The following AADACL3 variants were observed in gnomAD, a reference collection of about 807,000 sequenced individuals.
AADACL3 encodes arylacetamide deacetylase like 3.
Under a neutral mutation model 13.6 loss-of-function variants are expected in AADACL3, and 13 were observed. The observed-to-expected ratio is 0.95, with a 90% CI of 0.62 to 1.52. The LOEUF is 1.52. AADACL3 is among the 40% of genes most tolerant of loss of function. The pLI is 0.00. For synonymous variants in AADACL3, 195 were observed against 197.0 expected (o/e 0.99, Z 0.08); for missense variants, 519 against 499.2 (o/e 1.04, Z -0.38).
Position 12,725,943 on chromosome 1 carries a change from C to T in AADACL3, c.1171C>T (p.Pro391Ser). The T allele has an allele frequency of 6.2e-7, 1 of 1,613,988 alleles. No homozygotes were observed. The highest frequency in any genetic ancestry group is 8.5e-7 in the Non-Finnish European group (1 of 1,179,968). The part of the protein sequence containing the change: ...RTIDMSFLHF[P>S]CSMRILSALV... ...CATTGACATGAGCTTCTTGCACTTT[C>T]CCTGCTCCATGAGAATTCTGAGTGC... The change falls in exon 4 of 4, where the codon CCC (proline) becomes TCC (serine). Residue 391 changes from proline to serine, a missense_variant. Pro to Ser is a moderately conservative substitution (Grantham distance 74). Transcript: ENST00000359318.
At chr1:12,717,257 T>G (rs1421869319) in intron 1 of AADACL3, among the ~76,000 whole-genome samples, 4 of 152,246 alleles carry the variant, frequency 2.6e-5, no homozygotes, top group African/African-American at 9.6e-5. Context: ...TCTAGGCTTC[T>G]GATCTCCAGT....
intron 3 of AADACL3, among the ~76,000 whole-genome samples, chr1:12,724,383 C>A (rs1170757083): frequency 6.6e-6 from 1 of 152,160 alleles, no homozygotes; most frequent in Non-Finnish European, 1.5e-5. Flanking sequence ...GGAGAATGTG[C>A]AAACTCCACA....
chr1:12,720,724 A>G (rs1025070602), intron 2 of AADACL3, among the ~76,000 whole-genome samples, 159 bp from the exon 3 acceptor site: 1 of 152,196 alleles, frequency 6.6e-6, no homozygotes, highest in African/African-American at 2.4e-5. Flanking sequence ...AGGCAGTACC[A>G]CGAAGGAGAA....
rs1648428993 is a variant in AADACL3 at position 12,716,226 on chromosome 1, T to G, written c.50T>G (p.Leu17Arg). Residue 17 changes from leucine to arginine, a missense_variant, in exon 1 of 4, where the codon CTA becomes CGA. Coordinates refer to ENST00000359318, the MANE Select transcript of AADACL3 (RefSeq NM_001103170.3). ...CTCGCAGCAGCCTGCGTGTTCTCAC[T>G]AGGGGTCACTCTGTGGGTCATTTGC... is the stretch of plus-strand genomic sequence containing the variant. ...IFLAAACVFS[L>R]GVTLWVICSH... The G allele has an allele frequency of 1.5e-6, 2 of 1,336,658 alleles. No individual in the cohort carries two copies. Among genetic ancestry groups the G allele is most frequent in the Admixed American group, 3.4e-5 (2 of 59,556 alleles). 82.8% of individuals were successfully genotyped at this position (1,336,658 alleles called of 1,614,324 possible). A position where few individuals can be genotyped will look rare whatever the true frequency, so the allele number is the denominator to read the frequency against.
rs775970102 is a variant in AADACL3, at chr1:12,720,906, C to T, written c.409C>T (p.Arg137Cys). The T allele has an allele frequency of 9.9e-6, 16 of 1,611,732 alleles. No individual in the cohort carries two copies. Among genetic ancestry groups the T allele is most frequent in the Admixed American group, 6.7e-5 (4 of 59,894 alleles). ...AGAAACCCACCATGGCATATGCTCTCGTTTGTGCAAGGAGAGTGACTCCGT... is the reference window on the plus strand; with the variant it reads ...AGAAACCCACCATGGCATATGCTCTTGTTTGTGCAAGGAGAGTGACTCCGT... The part of the protein sequence containing the change: ...SLKTHHGICS[R>C]LCKESDSVVL... Residue 137 changes from arginine to cysteine, a missense_variant, in exon 3 of 4, where the codon CGT becomes TGT. Coordinates refer to ENST00000359318, the MANE Select transcript of AADACL3 (RefSeq NM_001103170.3).
Position 12,716,254 on chromosome 1 carries a change from C to T in AADACL3, c.78C>T (p.Ser26=). The change falls in exon 1 of 4, where the codon AGC becomes AGT. Residue 26 remains serine (S), a synonymous_variant. Coordinates refer to ENST00000359318, the MANE Select transcript of AADACL3 (RefSeq NM_001103170.3). ...GGGTCACTCTGTGGGTCATTTGCAG[C>T]CATTTTTTCACTGTGCACATCCCTG... is the stretch of plus-strand genomic sequence containing the variant. ...SLGVTLWVIC[S]HFFTVHIPAA... 1 of 1,562,302 alleles carries T rather than the reference C, an allele frequency of 6.4e-7. No individual in the cohort carries two copies. Among genetic ancestry groups the T allele is most frequent in the Non-Finnish European group, 8.8e-7 (1 of 1,133,012 alleles).
intron 1 of AADACL3, among the ~76,000 whole-genome samples, chr1:12,718,929 C>T (rs1648499907): frequency 6.6e-6 from 1 of 152,184 alleles, no homozygotes; most frequent in African/African-American, 2.4e-5. Flanking sequence ...TCTAACTTTT[C>T]CCTCATTTTC....
Position 12,725,278 on chromosome 1 carries a change from C to T in AADACL3, c.506C>T (p.Ala169Val). 2 of 1,613,648 alleles carry T rather than the reference C, an allele frequency of 1.2e-6. No homozygotes were observed. Among genetic ancestry groups the T allele is most frequent in the Non-Finnish European group, 1.7e-6 (2 of 1,179,844 alleles). Residue 169 changes from alanine to valine, a missense_variant, in exon 4 of 4, where the codon GCC becomes GTC. Coordinates refer to ENST00000359318, the MANE Select transcript of AADACL3 (RefSeq NM_001103170.3). ...GTGCCAGTAAGAGACTGCTTGGTGG[C>T]CACCATCCACTTCCTGAAGTCCCTG... ...FPVPVRDCLVATIHFLKSLDA... is the reference protein window; with the variant it reads ...FPVPVRDCLVVTIHFLKSLDA...
In AADACL3 at chr1:12,720,871, T is replaced by C. The variant is rs916291170; in HGVS notation, c.386-12T>C. 16 of 1,606,192 alleles carry C rather than the reference T, an allele frequency of 1.0e-5. No individual in the cohort carries two copies. Among genetic ancestry groups the C allele is most frequent in the South Asian group, 7.7e-5 (7 of 90,946 alleles). On this transcript the variant is annotated splice_polypyrimidine_tract_variant and intron_variant, in intron 2 of 3. Coordinates refer to ENST00000359318, the MANE Select transcript of AADACL3 (RefSeq NM_001103170.3). ...CCTTCCTAGTGAATCTTAAAAACCATTTATTTTCTAGAAACCCACCATGGC... is the reference window on the plus strand; with the variant it reads ...CCTTCCTAGTGAATCTTAAAAACCACTTATTTTCTAGAAACCCACCATGGC...
chr1:12,720,936 C>G lies in AADACL3; in HGVS notation c.439C>G (p.Leu147Val), dbSNP rs750676977. The G allele has an allele frequency of 6.2e-7, 1 of 1,608,818 alleles. No homozygotes were observed. Among genetic ancestry groups the G allele is most frequent in the Non-Finnish European group, 8.5e-7 (1 of 1,177,752 alleles). Reference sequence around the variant, plus strand: ...GTGCAAGGAGAGTGACTCCGTGGTTCTGGCAGTTGGGTGAGTAAAGGGGAG... The same window carrying G: ...GTGCAAGGAGAGTGACTCCGTGGTTGTGGCAGTTGGGTGAGTAAAGGGGAG... ...RLCKESDSVV[L>V]AVGYRKLPKH... Residue 147 changes from leucine to valine, a missense_variant, in exon 3 of 4, where the codon CTG (leucine) becomes GTG (valine). By Grantham distance (32) the Leu-to-Val change is conservative. Transcript: ENST00000359318.
rs1399898090 is a variant in AADACL3, at chr1:12,719,622, G to T, written c.316G>T (p.Ala106Ser). 3 of 1,614,006 alleles carry T rather than the reference G, an allele frequency of 1.9e-6. No homozygotes were observed. Among genetic ancestry groups the T allele is most frequent in the Non-Finnish European group, 1.7e-6 (2 of 1,180,022 alleles). ...CCCTGTGAAGCTGTACCAACCCAAG[G>T]CATCCACCTGCACCCTGAAGCCTGG... ...TIPVKLYQPK[A>S]STCTLKPGIV... Residue 106 changes from alanine (A) to serine (S), a missense_variant, in exon 2 of 4, where the codon GCA (alanine) becomes TCA (serine). By Grantham distance (99) the Ala-to-Ser change is moderately conservative. Coordinates refer to ENST00000359318, the MANE Select transcript of AADACL3 (RefSeq NM_001103170.3).
In AADACL3 at chr1:12,725,683, A is replaced by T; in HGVS notation, c.911A>T (p.His304Leu). 6.2e-7 allele frequency: 1 copy of T among 1,614,176 alleles called. No individual in the cohort carries two copies. The highest frequency in any genetic ancestry group is 8.5e-7 in the Non-Finnish European group (1 of 1,180,026). The change falls in exon 4 of 4, where the codon CAT (histidine) becomes CTT (leucine). Residue 304 changes from histidine (H) to leucine (L), a missense_variant. Coordinates refer to ENST00000359318, the MANE Select transcript of AADACL3 (RefSeq NM_001103170.3). ...FKERGYQLKP[H>L]EPMNEAAYLE... is the part of the protein sequence containing the mutation. ...GAGAGGGGTTACCAACTGAAGCCCC[A>T]TGAGCCCATGAATGAAGCTGCTTAC...
chr1:12,717,243 G>A (rs190942523), intron 1 of AADACL3, among the ~76,000 whole-genome samples: 29 of 152,230 alleles, frequency 1.9e-4, no homozygotes, highest in African/African-American at 6.5e-4. Flanking sequence ...AAGATCCCGG[G>A]AACTCTAGGC....
At chr1:12,718,563 C>A (rs1284961555) in intron 1 of AADACL3, among the ~76,000 whole-genome samples, 1 of 152,044 alleles carries the variant, frequency 6.6e-6, no homozygotes, top group Non-Finnish European at 1.5e-5. Context: ...ATGGCATGAT[C>A]TCGGCTTACT....
intron 1 of AADACL3, among the ~76,000 whole-genome samples, chr1:12,716,716 AT>A (rs1648444660): frequency 2.0e-5 from 3 of 152,166 alleles, no homozygotes; most frequent in African/African-American, 7.2e-5. Flanking sequence ...CATCTTTCGC[AT>A]TTTTAAGTGT....
At chr1:12,719,979 G>A (rs1425316877) in intron 2 of AADACL3, among the ~76,000 whole-genome samples, 1 of 152,130 alleles carries the variant, frequency 6.6e-6, no homozygotes, top group African/African-American at 2.4e-5. Flanking sequence ...GCATTTATAT[G>A]TGTACATATG....
intron 2 of AADACL3, among the ~76,000 whole-genome samples, chr1:12,720,541 G>A (rs1438698307): frequency 3.3e-5 from 5 of 152,146 alleles, no homozygotes; most frequent in African/African-American, 1.2e-4. Flanking sequence ...TAAGAGACTT[G>A]CTAGGCACTA....
rs1638362456 is a variant in AADACL3, at chr1:12,725,935, T to C, written c.1163T>C (p.Leu388Ser). 6.2e-7 allele frequency: 1 copy of C among 1,614,042 alleles called. No homozygotes were observed. The highest frequency in any genetic ancestry group is 8.5e-7 in the Non-Finnish European group (1 of 1,180,028). ...CTCAGGACCATTGACATGAGCTTCTTGCACTTTCCCTGCTCCATGAGAATT... is the reference window on the plus strand; with the variant it reads ...CTCAGGACCATTGACATGAGCTTCTCGCACTTTCCCTGCTCCATGAGAATT... ...GVLRTIDMSF[L>S]HFPCSMRILS... is the part of the protein sequence containing the mutation. Residue 388 changes from leucine (L) to serine (S), a missense_variant, in exon 4 of 4, where the codon TTG becomes TCG. Coordinates refer to ENST00000359318, the MANE Select transcript of AADACL3 (RefSeq NM_001103170.3).
intron 3 of AADACL3, among the ~76,000 whole-genome samples, chr1:12,724,492 T>C (rs1475973088): frequency 6.6e-6 from 1 of 152,134 alleles, no homozygotes; most frequent in African/African-American, 2.4e-5. Context: ...CCTGCTTTTT[T>C]TTTCTTCTTT....
Sources: gnomAD v4.1 joint callset for allele counts (sites outside exome capture counted in the v4.1 genomes callset) on GRCh38, gnomAD v4.1.1 for gene constraint, MANE v1.5 for transcripts, NCBI Gene and HGNC (gene_info 2026-07-23, HGNC 2026-07-21) for gene names.